PARD3: variants seen among roughly 807,000 people sequenced by gnomAD.
PARD3 encodes the protein par-3 family cell polarity regulator.
PARD3 carries 75 observed loss-of-function variants against 155.4 expected under a neutral mutation model. The observed-to-expected ratio is 0.48, with a 90% CI of 0.40 to 0.58. The LOEUF (loss-of-function observed/expected upper bound fraction) is 0.58. PARD3 is among the 20% of genes least tolerant of loss of function. PARD3 has a pLI of 0.00. For synonymous variants in PARD3, 576 were observed against 610.5 expected, an observed-to-expected ratio of 0.94 and a Z score of 0.83; for missense variants, 1,642 against 1,721.7, an observed-to-expected ratio of 0.95 and a Z score of 0.82.
intron 13 of PARD3, among the ~76,000 whole-genome samples, chr10:34,359,692 T>G (rs1018527225): frequency 6.6e-6 from 1 of 152,128 alleles, no homozygotes; most frequent in Non-Finnish European, 1.5e-5. Context: ...ACTGTCCCCT[T>G]AACAAATGGC....
chr10:34,569,321 T>A (rs978816651), intron 2 of PARD3, among the ~76,000 whole-genome samples: 2 of 152,226 alleles, frequency 1.3e-5, no homozygotes, highest in East Asian at 3.8e-4. Flanking sequence ...ATATTTAATT[T>A]GGGTTTGATT....
At chr10:34,434,155 G>A (rs1270387506) in intron 5 of PARD3, among the ~76,000 whole-genome samples, 1 of 152,150 alleles carries the variant, frequency 6.6e-6, no homozygotes, top group Non-Finnish European at 1.5e-5. Flanking sequence ...TGGCCAGCAT[G>A]TTCAAAGACC....
At chr10:34,185,407 C>T (rs1469446122) in intron 22 of PARD3, among the ~76,000 whole-genome samples, 1 of 152,134 alleles carries the variant, frequency 6.6e-6, no homozygotes, top group Non-Finnish European at 1.5e-5. Context: ...TCATACAGAT[C>T]TCCAAACATA....
chr10:34,280,863 C>T (rs950996339), intron 21 of PARD3, among the ~76,000 whole-genome samples: 1 of 152,122 alleles, frequency 6.6e-6, no homozygotes, highest in East Asian at 1.9e-4. Flanking sequence ...ACTCATAATG[C>T]ACATGAACTT....
chr10:34,289,111 G>C (rs1956546585), intron 20 of PARD3, among the ~76,000 whole-genome samples: 1 of 151,726 alleles, frequency 6.6e-6, no homozygotes, highest in Non-Finnish European at 1.5e-5. Flanking sequence ...CAGGTGCATG[G>C]TACCTACCAT....
chr10:34,587,296 T>G (rs1207486054), intron 2 of PARD3, among the ~76,000 whole-genome samples: 1 of 152,100 alleles, frequency 6.6e-6, no homozygotes, highest in Non-Finnish European at 1.5e-5. Context: ...CTAATTTTTA[T>G]ATTTTTAGTA....
intron 15 of PARD3, chr10:34,344,158 T>A (rs1589244610): frequency 3.0e-6 from 3 of 983,618 alleles, no homozygotes; most frequent in Non-Finnish European, 3.6e-6. Context: ...AGTTGAGAAA[T>A]AGTTAAAGTC....
At chr10:34,390,817 T>C (rs1209014610) in intron 7 of PARD3, among the ~76,000 whole-genome samples, 1 of 151,960 alleles carries the variant, frequency 6.6e-6, no homozygotes, top group Non-Finnish European at 1.5e-5. Context: ...AACAATATAG[T>C]TTTTTTTGTG....
chr10:34,750,783 G>A (rs954801295), intron 1 of PARD3, among the ~76,000 whole-genome samples: 3 of 151,018 alleles, frequency 2.0e-5, no homozygotes, highest in African/African-American at 7.3e-5. Flanking sequence ...CCGCCCCCCG[G>A]GTTCAAGTGA....
intron 3 of PARD3, among the ~76,000 whole-genome samples, chr10:34,511,596 A>G (rs191036954): frequency 6.6e-6 from 1 of 152,270 alleles, no homozygotes; most frequent in Admixed American, 6.5e-5. Context: ...TTTTTATACT[A>G]AGCTATTTTT....
intron 2 of PARD3, among the ~76,000 whole-genome samples, chr10:34,606,175 T>C (rs942614525): frequency 2.3e-5 from 1 of 43,754 alleles, no homozygotes; most frequent in African/African-American, 2.1e-4. Flanking sequence ...TGTGTGTGTG[T>C]GTGTGTGTGT....
At chr10:34,246,914 G>C (rs1181603649) in intron 22 of PARD3, among the ~76,000 whole-genome samples, 1 of 152,100 alleles carries the variant, frequency 6.6e-6, no homozygotes, top group African/African-American at 2.4e-5. Context: ...TGCCAGGAAA[G>C]ATCCAACACA....
intron 7 of PARD3, among the ~76,000 whole-genome samples, chr10:34,393,043 C>T (rs1319162638): frequency 7.3e-5 from 11 of 150,960 alleles, no homozygotes; most frequent in African/African-American, 2.4e-4. Context: ...ATTTTCTGGG[C>T]CATGATGCCT....
chr10:34,332,900 G>C (rs1835768801), intron 18 of PARD3, among the ~76,000 whole-genome samples: 1 of 151,892 alleles, frequency 6.6e-6, no homozygotes, highest in Admixed American at 6.6e-5. Flanking sequence ...TCATGTCATG[G>C]GAAGAAAAAT....
At chr10:34,183,239 T>C (rs2133209280) in intron 22 of PARD3, among the ~76,000 whole-genome samples, 1 of 152,286 alleles carries the variant, frequency 6.6e-6, no homozygotes, top group East Asian at 1.9e-4. Context: ...CTGCTGCATA[T>C]CTTTTTGAGA....
chr10:34,204,018 T>A (rs1951344099), intron 22 of PARD3, among the ~76,000 whole-genome samples: 1 of 152,204 alleles, frequency 6.6e-6, no homozygotes, highest in African/African-American at 2.4e-5. Flanking sequence ...TTTTCATAAG[T>A]CAGAGTTCTA....
intron 1 of PARD3, among the ~76,000 whole-genome samples, chr10:34,715,996 G>T (rs2094514529): frequency 1.3e-5 from 2 of 152,142 alleles, no homozygotes; most frequent in Admixed American, 1.3e-4. Flanking sequence ...TATGACTCAA[G>T]ACTTTATCTA....
chr10:34,357,739 G>C (rs544293774), intron 14 of PARD3, among the ~76,000 whole-genome samples: 3 of 152,264 alleles, frequency 2.0e-5, no homozygotes, highest in African/African-American at 7.2e-5. Flanking sequence ...TTTTAGTTAA[G>C]GTTATGTTGT....
intron 22 of PARD3, among the ~76,000 whole-genome samples, chr10:34,218,448 T>C (rs1952115128): frequency 6.6e-6 from 1 of 152,074 alleles, no homozygotes; most frequent in Non-Finnish European, 1.5e-5. Flanking sequence ...CTAAGCCCCA[T>C]TTAAAGCAGA....
Sources: allele counts gnomAD v4.1 joint callset (sites outside exome capture counted in the v4.1 genomes callset), GRCh38; gene constraint gnomAD v4.1.1; transcripts MANE v1.5; gene names NCBI Gene and HGNC (gene_info 2026-07-23, HGNC 2026-07-21).